The following ADORA2B variants were observed in gnomAD, a reference collection of about 807,000 sequenced individuals.
The protein encoded by ADORA2B is adenosine A2b receptor.
In ADORA2B, 18 loss-of-function variants were observed where a neutral mutation model predicts 20.8. The ratio of observed to expected loss-of-function variants is 0.87; its 90% CI spans 0.60 to 1.29. The LOEUF is 1.29. Among genes scored for constraint, ADORA2B ranks in the 50% most tolerant of loss-of-function variants. The pLI, the probability that ADORA2B is intolerant of heterozygous loss-of-function variation, is 0.00. For missense variants in ADORA2B, 441 were observed against 422.7 expected, an observed-to-expected ratio of 1.04 and a Z score of -0.38; for synonymous variants, 179 against 178.3, an observed-to-expected ratio of 1.00 and a Z score of -0.03.
chr17:15,922,988 A>G, the ADORA2B span, among the ~76,000 whole-genome samples: 1 of 151,640 alleles, frequency 6.6e-6, no homozygotes, highest in Non-Finnish European at 1.5e-5. Context: ...CTGCTTTTTC[A>G]TATTCATTGC....
the ADORA2B span, among the ~76,000 whole-genome samples, chr17:15,919,296 G>T: frequency 5.9e-5 from 9 of 152,238 alleles, no homozygotes; most frequent in East Asian, 1.9e-4. Flanking sequence ...CCTTCAGGAG[G>T]TGCCCATCCA....
At chr17:15,886,969 C>T in the ADORA2B span, among the ~76,000 whole-genome samples, 1 of 130,810 alleles carries the variant, frequency 7.6e-6, no homozygotes, top group Non-Finnish European at 1.6e-5. Context: ...GGTGTTGGCC[C>T]GTGCTTGCAA....
intron 1 of ADORA2B, among the ~76,000 whole-genome samples, chr17:15,958,610 C>G (rs539949766): frequency 3.9e-5 from 6 of 152,194 alleles, no homozygotes; most frequent in Non-Finnish European, 5.9e-5. Flanking sequence ...TCCTCTCTTT[C>G]CTTCGTTTCT....
the ADORA2B span, among the ~76,000 whole-genome samples, chr17:15,937,506 T>G: frequency 6.6e-6 from 1 of 152,164 alleles, no homozygotes; most frequent in Non-Finnish European, 1.5e-5. Flanking sequence ...TTCATGTCTT[T>G]CCTGGGCCTA....
At chr17:15,860,261 A>T in the ADORA2B span, among the ~76,000 whole-genome samples, 3 of 151,782 alleles carry the variant, frequency 2.0e-5, no homozygotes, top group Non-Finnish European at 4.4e-5. Flanking sequence ...AGACGAATAA[A>T]CCCCTTCCTT....
At chr17:15,944,602 C>T (rs924563491), upstream of ADORA2B, among the ~76,000 whole-genome samples, 8 of 152,046 alleles carry the variant, frequency 5.3e-5, no homozygotes, top group Non-Finnish European at 1.2e-4. This position sits in a 1 kb window ranked among gnomAD's most constrained non-coding sequence, Gnocchi z 4.8. Context: ...TCCTTGCAGT[C>T]CGGCCCCGCA....
At chr17:15,956,883 AGCC>A (rs1327576064) in intron 1 of ADORA2B, among the ~76,000 whole-genome samples, 1 of 152,134 alleles carries the variant, frequency 6.6e-6, no homozygotes, top group Non-Finnish European at 1.5e-5. Flanking sequence ...TACAGGCATG[AGCC>A]ACCGCACCCG....
At chr17:15,890,517 A>G in the ADORA2B span, among the ~76,000 whole-genome samples, 1 of 151,340 alleles carries the variant, frequency 6.6e-6, no homozygotes, top group Admixed American at 6.6e-5. Context: ...TTTGTGCCTT[A>G]TATGGCTTTC....
the ADORA2B span, among the ~76,000 whole-genome samples, chr17:15,889,959 T>G: frequency 1.5e-5 from 2 of 130,238 alleles, no homozygotes; most frequent in African/African-American, 6.5e-5. Flanking sequence ...TATTTTCAGT[T>G]CCCCATTTTG....
the ADORA2B span, among the ~76,000 whole-genome samples, chr17:15,937,500 T>A: frequency 6.6e-6 from 1 of 152,224 alleles, no homozygotes; most frequent in African/African-American, 2.4e-5. Context: ...GGCATTTTCA[T>A]GTCTTTCCTG....
the ADORA2B span, among the ~76,000 whole-genome samples, chr17:15,912,067 G>A: frequency 6.6e-6 from 1 of 152,132 alleles, no homozygotes; most frequent in South Asian, 2.1e-4. Flanking sequence ...ACAAAAATTA[G>A]CTGGGTGTGG....
At chr17:15,868,242 T>C in the ADORA2B span, among the ~76,000 whole-genome samples, 1,790 of 118,870 alleles carry the variant, frequency 0.015, 137 homozygotes, top group African/African-American at 0.046. Context: ...TGCGGAAGGC[T>C]GCAGGGTCCT....
the ADORA2B span, among the ~76,000 whole-genome samples, chr17:15,861,460 G>A: frequency 6.6e-6 from 1 of 152,192 alleles, no homozygotes; most frequent in Non-Finnish European, 1.5e-5. Context: ...TCATTGCTAA[G>A]GAAGAGGTTT....
the ADORA2B span, among the ~76,000 whole-genome samples, chr17:15,925,187 C>T: frequency 1.3e-5 from 2 of 152,160 alleles, no homozygotes; most frequent in Non-Finnish European, 2.9e-5. Context: ...AGGCGCCTGC[C>T]ACCATGCCTG....
chr17:15,959,494 ATTTT>A (rs56097835), intron 1 of ADORA2B, among the ~76,000 whole-genome samples: 7 of 75,934 alleles, frequency 9.2e-5, no homozygotes, highest in East Asian at 3.9e-4. Context: ...TCACATTCTG[ATTTT>A]TTTTTTTTTT....
chr17:15,854,784 G>A, the ADORA2B span, among the ~76,000 whole-genome samples: 1 of 152,098 alleles, frequency 6.6e-6, no homozygotes. Context: ...CAGGATATTC[G>A]TTTCCTAATG....
the ADORA2B span, among the ~76,000 whole-genome samples, chr17:15,923,508 T>C: frequency 8.0e-3 from 1,217 of 151,666 alleles, 14 homozygotes; most frequent in African/African-American, 0.028. Flanking sequence ...GGGTTCACAC[T>C]ATTCTCCTGC....
At chr17:15,862,476 G>A in the ADORA2B span, among the ~76,000 whole-genome samples, 1 of 152,046 alleles carries the variant, frequency 6.6e-6, no homozygotes, top group African/African-American at 2.4e-5. Context: ...CTCCCAAAAC[G>A]CTGGGATTGC....
At chr17:15,897,017 T>C in the ADORA2B span, among the ~76,000 whole-genome samples, 1 of 152,168 alleles carries the variant, frequency 6.6e-6, no homozygotes, top group Non-Finnish European at 1.5e-5. Context: ...ACTGTCTGTC[T>C]CAGAGCTTAA....
Sources: allele counts gnomAD v4.1 joint callset (sites outside exome capture counted in the v4.1 genomes callset), GRCh38; gene constraint gnomAD v4.1.1; non-coding constraint Gnocchi (gnomAD v3.1); transcripts MANE v1.5; gene names NCBI Gene and HGNC (gene_info 2026-07-23, HGNC 2026-07-21).